Variants in MAGI2 observed in about 807,000 individuals in gnomAD.
The protein encoded by MAGI2 is membrane-associated guanylate kinase, WW and PDZ domain-containing protein 2.
A neutral mutation model predicts 133.3 loss-of-function variants in MAGI2; 35 were observed. The ratio of observed to expected loss-of-function variants is 0.26; its 90% confidence interval spans 0.20 to 0.35. The LOEUF (loss-of-function observed/expected upper bound fraction) is 0.35. Among genes scored for constraint, MAGI2 ranks in the 10% least tolerant of loss-of-function variants. The pLI, the probability that MAGI2 is intolerant of heterozygous loss-of-function variation, is 1.00. For missense variants in MAGI2, 1,636 were observed against 1,863.4 expected (o/e 0.88, Z 2.25); for synonymous variants, 729 against 710.6 (o/e 1.03, Z -0.41).
intron 1 of MAGI2, among the ~76,000 whole-genome samples, chr7:79,239,907 C>G (rs1391156229): frequency 1.3e-5 from 2 of 152,244 alleles, no homozygotes; most frequent in African/African-American, 2.4e-5. Flanking sequence ...CTGAGAAGCC[C>G]AATCTTAGAA....
At chr7:78,642,161 C>A (rs1810383404) in intron 2 of MAGI2, among the ~76,000 whole-genome samples, 1 of 152,014 alleles carries the variant, frequency 6.6e-6, no homozygotes, top group African/African-American at 2.4e-5. Flanking sequence ...TACATGGTCA[C>A]CATAGAAATC....
chr7:78,192,588 G>C (rs532513096), intron 12 of MAGI2, among the ~76,000 whole-genome samples: 4 of 150,326 alleles, frequency 2.7e-5, no homozygotes, highest in Admixed American at 6.6e-5. Flanking sequence ...GCTATTCAGA[G>C]AGACTAGAGA....
At chr7:78,958,847 T>A (rs1426599385) in intron 2 of MAGI2, among the ~76,000 whole-genome samples, 2 of 152,200 alleles carry the variant, frequency 1.3e-5, no homozygotes, top group Non-Finnish European at 2.9e-5. Flanking sequence ...GAGTTCACTA[T>A]TTTTATAAAC....
intron 1 of MAGI2, among the ~76,000 whole-genome samples, chr7:79,118,933 C>G (rs1407528804): frequency 6.6e-6 from 1 of 152,072 alleles, no homozygotes; most frequent in Admixed American, 6.6e-5. Context: ...GTTGAATTGT[C>G]TCACAAATTA....
intron 2 of MAGI2, among the ~76,000 whole-genome samples, chr7:78,632,249 A>T (rs566943113): frequency 2.0e-5 from 3 of 152,360 alleles, no homozygotes; most frequent in African/African-American, 7.2e-5. Context: ...AAAAAATAAA[A>T]AGTTATATAG....
intron 6 of MAGI2, among the ~76,000 whole-genome samples, chr7:78,418,196 C>T (rs371937308): frequency 2.6e-5 from 4 of 152,220 alleles, no homozygotes; most frequent in Admixed American, 2.6e-4. Context: ...CAGAACATAA[C>T]TGGATATTCG....
At chr7:79,024,214 A>G (rs1217522669) in intron 1 of MAGI2, among the ~76,000 whole-genome samples, 3 of 152,258 alleles carry the variant, frequency 2.0e-5, no homozygotes, top group African/African-American at 7.2e-5. Flanking sequence ...GAGAAAATCC[A>G]CAAAAACAAG....
At position 78,980,292 on chromosome 7, in the gene MAGI2, AATT is replaced by A. The variant is rs568192034; in HGVS notation, c.418+26795_418+26797del. Among the ~76,000 whole-genome samples the A allele has an allele frequency of 2.3e-3, 357 of 152,008 alleles. 1 individual carries two copies. The highest frequency in any genetic ancestry group is 8.1e-3 in the African/African-American group (337 of 41,516). On this transcript the variant is annotated intron_variant, in intron 2 of 21. Coordinates refer to ENST00000354212, the MANE Select transcript of MAGI2 (RefSeq NM_012301.4). ...AGAATAAATTTTAAAAATCAGCTAT[AATT>A]ATTATTACACAAACAAAGTAGAGTT... is the stretch of plus-strand genomic sequence containing the variant.
At chr7:78,831,222 A>T (rs779951117) in intron 2 of MAGI2, among the ~76,000 whole-genome samples, 2 of 152,096 alleles carry the variant, frequency 1.3e-5, no homozygotes, top group African/African-American at 2.4e-5. Flanking sequence ...CCAATGGCTC[A>T]TGTTTTTCCA....
At chr7:78,325,972 T>C (rs753416465) in intron 9 of MAGI2, among the ~76,000 whole-genome samples, 1 of 152,208 alleles carries the variant, frequency 6.6e-6, no homozygotes, top group Non-Finnish European at 1.5e-5. Flanking sequence ...AATCTTTCCA[T>C]TCCTCTTAAG....
chr7:78,322,657 G>GT (rs1278270951), intron 9 of MAGI2, among the ~76,000 whole-genome samples: 2 of 152,090 alleles, frequency 1.3e-5, no homozygotes, highest in Non-Finnish European at 2.9e-5. Context: ...AATACCTAAT[G>GT]TAGATGACAG....
intron 1 of MAGI2, among the ~76,000 whole-genome samples, chr7:79,237,926 A>T (rs564154170): frequency 8.5e-4 from 129 of 152,318 alleles, no homozygotes; most frequent in Non-Finnish European, 1.7e-3. Context: ...ATTATGGAAA[A>T]GGAGGCTAAA....
At chr7:78,388,113 A>T (rs111430344) in intron 6 of MAGI2, among the ~76,000 whole-genome samples, 2 of 152,192 alleles carry the variant, frequency 1.3e-5, no homozygotes, top group African/African-American at 4.8e-5. Context: ...GGGTCACACA[A>T]ATATGATCTG....
chr7:78,486,406 G>A (rs6968622), intron 6 of MAGI2: 58,458 of 153,986 alleles, frequency 0.38, 13,251 homozygotes, highest in East Asian at 0.69. Flanking sequence ...AATTCAGCCC[G>A]CCCCAATTTT....
At chr7:78,337,554 A>T (rs1789901491) in intron 9 of MAGI2, among the ~76,000 whole-genome samples, 2 of 152,244 alleles carry the variant, frequency 1.3e-5, no homozygotes, top group Non-Finnish European at 2.9e-5. Flanking sequence ...CTAGAGCTGG[A>T]GAAGTTGATT....
chr7:78,052,281 G>A (rs1404023275), intron 21 of MAGI2, among the ~76,000 whole-genome samples: 1 of 152,120 alleles, frequency 6.6e-6, no homozygotes, highest in Non-Finnish European at 1.5e-5. Context: ...GCCTGCTGCC[G>A]TCCTCATGGG....
At position 79,280,926 on chromosome 7, in the gene MAGI2, GAAAAAAAAAAAAAAAAAAAAAAAAAAA is replaced by G. The variant is rs71095390; in HGVS notation, c.301+172067_301+172093del. Among the ~76,000 whole-genome samples the G allele has an allele frequency of 8.4e-5, 3 of 35,788 alleles. No individual in the cohort carries two copies. In the South Asian group the frequency reaches 6.8e-3, roughly 81 times the overall value. The allele number at this position is 35,788 out of a possible 152,430, so 23.5% of individuals were successfully genotyped here. Reference sequence around the variant, plus strand: ...GGTGACAGAGCAAGACTCTGTCTCTGAAAAAAAAAAAAAAAAAAAAAAAAAAAAAAAAAAAAAAAGAATGATATAAGG... The same window carrying G: ...GGTGACAGAGCAAGACTCTGTCTCTGAAAAAAAAAAAAGAATGATATAAGG... On this transcript the variant is annotated intron_variant, in intron 1 of 21. Transcript: ENST00000354212.
intron 2 of MAGI2, among the ~76,000 whole-genome samples, chr7:78,650,272 A>G (rs1811408469): frequency 6.6e-6 from 1 of 152,172 alleles, no homozygotes; most frequent in Non-Finnish European, 1.5e-5. Flanking sequence ...ATGTTTATGA[A>G]CTTCATGTTT....
intron 1 of MAGI2, among the ~76,000 whole-genome samples, chr7:79,274,788 G>A (rs1290128916): frequency 3.9e-5 from 6 of 152,022 alleles, no homozygotes; most frequent in African/African-American, 1.2e-4. Context: ...ATCACTTTGT[G>A]TCTCCACGTC....
Sources: gnomAD v4.1 joint callset for allele counts (sites outside exome capture counted in the v4.1 genomes callset) on GRCh38, gnomAD v4.1.1 for gene constraint, MANE v1.5 for transcripts, NCBI Gene and HGNC (gene_info 2026-07-23, HGNC 2026-07-21) for gene names.